Variants in KLF12 observed in about 807,000 individuals in gnomAD.
The protein encoded by KLF12 is Krueppel-like factor 12.
KLF12 carries 9 observed loss-of-function variants against 37.8 expected under a neutral mutation model. The observed-to-expected ratio is 0.24, with a 90% CI of 0.14 to 0.42. The LOEUF (loss-of-function observed/expected upper bound fraction) is 0.42, where lower values mean the gene tolerates loss of function less well. KLF12 is among the 10% of genes least tolerant of loss of function. KLF12 has a pLI of 1.00. For synonymous variants in KLF12, 208 were observed against 202.1 expected, an observed-to-expected ratio of 1.03 and a Z score of -0.25; for missense variants, 411 against 516.0, an observed-to-expected ratio of 0.80 and a Z score of 1.97.
chr13:73,831,243 T>G (rs1287545678), intron 4 of KLF12, among the ~76,000 whole-genome samples: 1 of 152,146 alleles, frequency 6.6e-6, no homozygotes, highest in Non-Finnish European at 1.5e-5. Flanking sequence ...AATTCTGACT[T>G]AATTCAAGGC....
At chr13:74,114,058 A>G (rs1266000336) in intron 1 of KLF12, among the ~76,000 whole-genome samples, 1 of 152,198 alleles carries the variant, frequency 6.6e-6, no homozygotes, top group Non-Finnish European at 1.5e-5. Flanking sequence ...AATGTGACTT[A>G]ATTGCTGCAA....
At chr13:74,115,910 T>G (rs917823470) in intron 1 of KLF12, among the ~76,000 whole-genome samples, 8 of 152,072 alleles carry the variant, frequency 5.3e-5, no homozygotes, top group African/African-American at 1.4e-4. Flanking sequence ...TCTCACATCT[T>G]TAACATAATT....
chr13:74,132,527 T>C (rs997567193), intron 1 of KLF12, among the ~76,000 whole-genome samples: 1 of 152,156 alleles, frequency 6.6e-6, no homozygotes, highest in African/African-American at 2.4e-5. Flanking sequence ...AAACAATCCA[T>C]ACAGAACGAC....
chr13:74,200,919 C>A, the KLF12 span, among the ~76,000 whole-genome samples: 8 of 152,110 alleles, frequency 5.3e-5, no homozygotes, highest in Non-Finnish European at 8.8e-5. Flanking sequence ...TGGAGCCCAA[C>A]ACACAGATGA....
At chr13:73,735,951 C>CTTTCTT (rs1566329217) in intron 6 of KLF12, among the ~76,000 whole-genome samples, 2 of 132,864 alleles carry the variant, frequency 1.5e-5, no homozygotes, top group East Asian at 2.0e-4. Flanking sequence ...TTCTTTCTTT[C>CTTTCTT]TTTTTCTTTT....
At chr13:74,139,334 C>T in the KLF12 span, among the ~76,000 whole-genome samples, 3 of 152,310 alleles carry the variant, frequency 2.0e-5, no homozygotes, top group South Asian at 6.2e-4. Context: ...CTTTCTTTTA[C>T]CCTCACACTG....
intron 3 of KLF12, among the ~76,000 whole-genome samples, chr13:73,877,447 G>A (rs1886766061): frequency 6.6e-6 from 1 of 152,076 alleles, no homozygotes; most frequent in African/African-American, 2.4e-5. Flanking sequence ...TAGTCTCTCA[G>A]TTTTTGTTCA....
At chr13:74,030,930 T>C (rs1893096635) in intron 1 of KLF12, among the ~76,000 whole-genome samples, 1 of 152,110 alleles carries the variant, frequency 6.6e-6, no homozygotes, top group Admixed American at 6.6e-5. Context: ...CTAAACTTCA[T>C]TTTGAACGGC....
intron 3 of KLF12, among the ~76,000 whole-genome samples, chr13:73,853,872 T>C (rs1885467055): frequency 6.6e-6 from 1 of 152,178 alleles, no homozygotes; most frequent in Non-Finnish European, 1.5e-5. Flanking sequence ...TCTTTTACCA[T>C]ATAACTAGGG....
intron 2 of KLF12, chr13:73,962,103 C>G: frequency 2.3e-6 from 1 of 437,378 alleles, no homozygotes; most frequent in Non-Finnish European, 4.5e-6. Context: ...AATGGATAAA[C>G]TGTGGTACAT....
the KLF12 span, among the ~76,000 whole-genome samples, chr13:74,221,447 T>G: frequency 6.6e-6 from 1 of 152,198 alleles, no homozygotes; most frequent in Non-Finnish European, 1.5e-5. Context: ...TTGGAATTTC[T>G]GTAGCCCATA....
At chr13:74,149,193 T>C in the KLF12 span, among the ~76,000 whole-genome samples, 2 of 152,200 alleles carry the variant, frequency 1.3e-5, no homozygotes, top group African/African-American at 4.8e-5. Flanking sequence ...AGGTCATCTA[T>C]ATGCTGACAA....
chr13:73,714,315 G>C (rs1222795657), intron 7 of KLF12, among the ~76,000 whole-genome samples: 3 of 152,132 alleles, frequency 2.0e-5, no homozygotes, highest in East Asian at 1.9e-4. Context: ...GGAGCAGAGA[G>C]AGAACATGGG....
intron 3 of KLF12, among the ~76,000 whole-genome samples, chr13:73,882,302 T>G (rs1272107477): frequency 6.6e-6 from 1 of 152,200 alleles, no homozygotes; most frequent in African/African-American, 2.4e-5. Context: ...TGCATCTTCC[T>G]AAATCATTCT....
chr13:73,803,050 A>G (rs1386103702), intron 5 of KLF12, among the ~76,000 whole-genome samples: 1 of 152,210 alleles, frequency 6.6e-6, no homozygotes, highest in Non-Finnish European at 1.5e-5. Flanking sequence ...GTTTTGAAAG[A>G]AAAATTTGCT....
the KLF12 span, among the ~76,000 whole-genome samples, chr13:74,275,835 T>C: frequency 8.2e-6 from 1 of 121,344 alleles, no homozygotes; most frequent in Admixed American, 8.7e-5. Flanking sequence ...TCTTTCTTTC[T>C]TTCTTTCTTT....
chr13:74,082,754 T>TA (rs1385054056), intron 1 of KLF12, among the ~76,000 whole-genome samples: 4 of 152,292 alleles, frequency 2.6e-5, no homozygotes, highest in African/African-American at 9.6e-5. Flanking sequence ...ACTGGACCTT[T>TA]AGCAAGCACA....
At chr13:73,834,996 T>G (rs536581023) in intron 4 of KLF12, among the ~76,000 whole-genome samples, 126 of 152,194 alleles carry the variant, frequency 8.3e-4, no homozygotes, top group African/African-American at 3.0e-3. Context: ...GCAGCATTTT[T>G]ATTTCCACTG....
At chr13:73,873,263 T>C (rs908125847) in intron 3 of KLF12, among the ~76,000 whole-genome samples, 1 of 152,164 alleles carries the variant, frequency 6.6e-6, no homozygotes, top group Admixed American at 6.5e-5. Context: ...CCTTTATTTT[T>C]AATAAACAAA....
Sources: allele counts gnomAD v4.1 joint callset (sites outside exome capture counted in the v4.1 genomes callset), GRCh38; gene constraint gnomAD v4.1.1; transcripts MANE v1.5; gene names NCBI Gene and HGNC (gene_info 2026-07-23, HGNC 2026-07-21).